The following WWP1 variants were observed in gnomAD, a reference collection of about 807,000 sequenced individuals.
The protein encoded by WWP1 is NEDD4-like E3 ubiquitin-protein ligase WWP1.
In WWP1, 49 loss-of-function variants were observed where a neutral mutation model predicts 130.6. The ratio of observed to expected loss-of-function variants is 0.38; its 90% CI spans 0.30 to 0.48. The LOEUF is 0.48. Among genes scored for constraint, WWP1 ranks in the 20% least tolerant of loss-of-function variants. WWP1 has a pLI of 0.99. For synonymous variants in WWP1, 332 were observed against 367.8 expected (o/e 0.90, Z 1.11); for missense variants, 809 against 1,100.6 (o/e 0.74, Z 3.75).
rs145918951 is a variant in WWP1 at position 86,348,565 on chromosome 8, G to A, written c.-115+5635G>A. ...CAGTTCACTCACAGCACATACTGGCGTACCTACTATGTGCCAGACATATTT... is the reference window on the plus strand; with the variant it reads ...CAGTTCACTCACAGCACATACTGGCATACCTACTATGTGCCAGACATATTT... On this transcript the variant is annotated intron_variant, in intron 1 of 24. Transcript: ENST00000517970. 1.7e-4 allele frequency among the ~76,000 whole-genome samples: 26 copies of A among 152,232 alleles called. 1 individual carries two copies. In the East Asian group the frequency reaches 1.7e-3, roughly 10 times the overall value.
chr8:86,427,896 AC>A, intron 11 of WWP1, 79 bp downstream of exon 11: 1 of 1,382,244 alleles, frequency 7.2e-7, no homozygotes, highest in Non-Finnish European at 9.8e-7. Flanking sequence ...CTATCCCTTG[AC>A]CATAATCACA....
chr8:86,416,283 A>G (rs1435025060), intron 9 of WWP1, among the ~76,000 whole-genome samples: 2 of 152,192 alleles, frequency 1.3e-5, no homozygotes, highest in Non-Finnish European at 2.9e-5. Flanking sequence ...GACAAAGGGA[A>G]GGAGGAATGT....
At chr8:86,368,062 G>T (rs1005877126) in intron 1 of WWP1, among the ~76,000 whole-genome samples, 2 of 152,008 alleles carry the variant, frequency 1.3e-5, no homozygotes, top group African/African-American at 2.4e-5. Context: ...ATTTTCTTTT[G>T]AACTGCATAT....
chr8:86,411,616 C>A lies in WWP1; in HGVS notation c.803C>A (p.Ala268Asp). 1 of 1,614,108 alleles carries A rather than the reference C, an allele frequency of 6.2e-7. No individual in the cohort carries two copies. Among genetic ancestry groups the A allele is most frequent in the Non-Finnish European group, 8.5e-7 (1 of 1,179,988 alleles). Residue 268 changes from alanine (A) to aspartate (D), a missense_variant, in exon 9 of 25, where the codon GCC becomes GAC. Around this residue, in one of 3 missense-constraint regions of WWP1, gnomAD observed 262 missense variants for 346.0 expected, o/e 0.76. Coordinates refer to ENST00000517970, the MANE Select transcript of WWP1 (RefSeq NM_007013.4). ...ACTCCAGTAGTGTCTGAAGAAAATG[C>A]CTTGTCTCCAAATTGCACTAGTACT... ...TGTPVVSEEN[A>D]LSPNCTSTTV...
Position 86,398,647 on chromosome 8 carries a change from T to C in WWP1, c.539+9T>C. 6.2e-7 allele frequency: 1 copy of C among 1,611,402 alleles called. No individual in the cohort carries two copies. Among genetic ancestry groups the C allele is most frequent in the Non-Finnish European group, 8.5e-7 (1 of 1,179,434 alleles). On this transcript the variant is annotated intron_variant, in intron 7 of 24. Transcript: ENST00000517970. ...GCAAGGACAACTGCCAGGTAGAATA[T>C]TTTATTTGAATATGGGTGGCGACAT...
At chr8:86,423,771 G>C (rs1407665868) in intron 9 of WWP1, among the ~76,000 whole-genome samples, 2 of 151,866 alleles carry the variant, frequency 1.3e-5, no homozygotes, top group Non-Finnish European at 2.9e-5. Flanking sequence ...GCCGGGCAGA[G>C]GGGCTCCTCA....
rs2130178460 is a variant in WWP1, at chr8:86,466,845, A to C, written c.2721A>C (p.Glu907Asp). Residue 907 changes from glutamate to aspartate, a missense_variant, in exon 25 of 25, where the codon GAA (glutamate) becomes GAC (aspartate). By Grantham distance (45) the Glu-to-Asp change is conservative (BLOSUM62 2). This residue lies in a region of WWP1 where 450 missense variants were observed against 674.2 expected (regional missense o/e 0.67). Transcript: ENST00000517970. The part of the protein sequence containing the change: ...PPYKSYEQLK[E>D]KLLFAIEETE... ...ATAAGAGTTATGAACAACTAAAGGAAAAACTTCTTTTTGCAATAGAAGAGA... is the reference window on the plus strand; with the variant it reads ...ATAAGAGTTATGAACAACTAAAGGACAAACTTCTTTTTGCAATAGAAGAGA... The C allele has an allele frequency of 6.2e-7, 1 of 1,606,510 alleles. No individual in the cohort carries two copies. The highest frequency in any genetic ancestry group is 1.1e-5 in the South Asian group (1 of 90,130).
rs570567420 is a variant in WWP1 at position 86,411,577 on chromosome 8, C to T, written c.764C>T (p.Ala255Val). The T allele has an allele frequency of 1.9e-5, 31 of 1,613,768 alleles. No homozygotes were observed. The South Asian group carries it at 3.1e-4, about 16-fold the overall frequency. The stretch of plus-strand genomic sequence containing the variant: ...TCCTCATTTGCACCAACTGATAATG[C>T]GTCTGTCACGGGTACTCCAGTAGTG... ...ESSSFAPTDN[A>V]SVTGTPVVSE... The change falls in exon 9 of 25, where the codon GCG (alanine) becomes GTG (valine). Residue 255 changes from alanine to valine, a missense_variant. Physicochemically the swap from Ala to Val is moderately conservative, Grantham distance 64. This residue lies in a region of WWP1 where 262 missense variants were observed against 346.0 expected (regional missense o/e 0.76). Transcript: ENST00000517970.
At chr8:86,466,228 A>G (rs917311286) in intron 24 of WWP1, among the ~76,000 whole-genome samples, 1 of 152,226 alleles carries the variant, frequency 6.6e-6, no homozygotes, top group Non-Finnish European at 1.5e-5. Flanking sequence ...TAATACCAGA[A>G]TGGAATTGAG....
intron 1 of WWP1, among the ~76,000 whole-genome samples, chr8:86,357,326 A>T (rs1259624877): frequency 2.0e-5 from 3 of 152,154 alleles, no homozygotes; most frequent in South Asian, 4.1e-4. Flanking sequence ...TTTCTACATG[A>T]GTCTTTACAC....
chr8:86,452,634 T>G lies in WWP1; in HGVS notation c.2349T>G (p.Val783=). ...CTTTCCTTGATGGTTTTAATGAAGT[T>G]GTTCCTCTTCAGTGGCTACAGTACT... is the stretch of plus-strand genomic sequence containing the variant. ...TKAFLDGFNE[V]VPLQWLQYFD... is the part of the protein sequence containing the mutation. Residue 783 remains valine, a synonymous_variant, in exon 21 of 25, where the codon GTT becomes GTG. Transcript: ENST00000517970. The G allele has an allele frequency of 1.2e-6, 2 of 1,613,480 alleles. No homozygotes were observed. The highest frequency in any genetic ancestry group is 1.7e-6 in the Non-Finnish European group (2 of 1,179,632).
chr8:86,449,496 C>T (rs1297895009), intron 20 of WWP1, among the ~76,000 whole-genome samples: 1 of 152,154 alleles, frequency 6.6e-6, no homozygotes. Context: ...ATTTTCATGT[C>T]CCAAAATACT....
intron 9 of WWP1, among the ~76,000 whole-genome samples, chr8:86,423,573 GA>G (rs1482133576): frequency 6.6e-6 from 1 of 152,228 alleles, no homozygotes; most frequent in Non-Finnish European, 1.5e-5. Context: ...TCCCAAGGCA[GA>G]AGAGTCTTTC....
chr8:86,369,332 G>A (rs1824153210), intron 2 of WWP1, among the ~76,000 whole-genome samples: 1 of 152,098 alleles, frequency 6.6e-6, no homozygotes, highest in Non-Finnish European at 1.5e-5. Context: ...AATTTTATTT[G>A]CTGTATCTCT....
chr8:86,343,627 CT>C (rs1322467561), intron 1 of WWP1, among the ~76,000 whole-genome samples: 4 of 152,004 alleles, frequency 2.6e-5, no homozygotes, highest in Admixed American at 2.0e-4. Context: ...GTTCACAGTC[CT>C]TTCTTTGCTC....
intron 1 of WWP1, among the ~76,000 whole-genome samples, chr8:86,354,585 A>G (rs781747642): frequency 1.3e-5 from 2 of 152,226 alleles, no homozygotes; most frequent in Non-Finnish European, 2.9e-5. Flanking sequence ...TAGGAAGAGT[A>G]TTTGTAAATA....
intron 1 of WWP1, among the ~76,000 whole-genome samples, chr8:86,368,510 T>C (rs992112038): frequency 2.0e-5 from 3 of 152,264 alleles, no homozygotes; most frequent in African/African-American, 7.2e-5. Context: ...TCAGATAAGC[T>C]CACTATCTTA....
intron 17 of WWP1, among the ~76,000 whole-genome samples, chr8:86,439,131 C>T (rs1302968127): frequency 1.3e-5 from 2 of 152,088 alleles, no homozygotes; most frequent in East Asian, 1.9e-4. Context: ...ATCATGATAT[C>T]AGGAGATCGA....
chr8:86,411,404 T>G (rs1808575264), intron 8 of WWP1, 134 bp from the exon 9 acceptor site: 2 of 677,814 alleles, frequency 3.0e-6, no homozygotes, highest in Non-Finnish European at 2.4e-6. Context: ...AAAATATTAC[T>G]TTGTCTGCTG....
Sources: allele counts gnomAD v4.1 joint callset (sites outside exome capture counted in the v4.1 genomes callset), GRCh38; gene constraint gnomAD v4.1.1; regional missense constraint gnomAD v4.1.1; transcripts MANE v1.5; gene names NCBI Gene and HGNC (gene_info 2026-07-23, HGNC 2026-07-21).